FOLH1: variants seen among roughly 807,000 people sequenced by gnomAD.
FOLH1 encodes glutamate carboxypeptidase 2.
Under a neutral mutation model 93.9 loss-of-function variants are expected in FOLH1, and 54 were observed. The ratio of observed to expected loss-of-function variants is 0.57; its 90% CI spans 0.46 to 0.72. The LOEUF (loss-of-function observed/expected upper bound fraction) is 0.72, where lower values mean the gene tolerates loss of function less well. Among genes scored for constraint, FOLH1 ranks in the 30% least tolerant of loss-of-function variants. The probability of loss-of-function intolerance (pLI) is 0.00; values close to 1 mark genes in which losing one functional copy is unlikely to be tolerated. For synonymous variants in FOLH1, 249 were observed against 303.6 expected (o/e 0.82, Z 1.87); for missense variants, 571 against 892.5 (o/e 0.64, Z 4.59).
chr11:49,177,864 G>A (rs1389056814), intron 7 of FOLH1, among the ~76,000 whole-genome samples: 19 of 151,272 alleles, frequency 1.3e-4, no homozygotes, highest in Non-Finnish European at 2.7e-4. Flanking sequence ...TTGGGAGGCT[G>A]AGGCAGGAGA....
chr11:49,174,124 A>G (rs1378816850), intron 9 of FOLH1, among the ~76,000 whole-genome samples: 2 of 152,132 alleles, frequency 1.3e-5, no homozygotes, highest in African/African-American at 4.8e-5. Context: ...TCCAATGCTT[A>G]TCATGGAACT....
At chr11:49,206,512 G>T (rs1300118692) in intron 1 of FOLH1, among the ~76,000 whole-genome samples, 1 of 152,110 alleles carries the variant, frequency 6.6e-6, no homozygotes, top group Non-Finnish European at 1.5e-5. Context: ...TTCTGAAAAT[G>T]AAGGCAAAAA....
rs553946014 is a variant in FOLH1 at position 49,200,727 on chromosome 11, A to C, written c.225-286T>G. Reference sequence around the variant, plus strand: ...TGGTAGATTATCATATTCTTTCTTAAGACCTATACTTCTTGGAACTTACAT... The same window carrying C: ...TGGTAGATTATCATATTCTTTCTTACGACCTATACTTCTTGGAACTTACAT... On this transcript the variant is annotated intron_variant, in intron 2 of 18. Coordinates refer to ENST00000256999, the MANE Select transcript of FOLH1 (RefSeq NM_004476.3). Among the ~76,000 whole-genome samples, 2 of 152,308 alleles carry C rather than the reference A, an allele frequency of 1.3e-5. 1 individual carries two copies. The highest frequency in any genetic ancestry group is 4.1e-4 in the South Asian group (2 of 4,822).
At chr11:49,154,084 TG>T (rs1341994970) in intron 16 of FOLH1, 143 bp downstream of exon 16, 2 of 1,370,014 alleles carry the variant, frequency 1.5e-6, no homozygotes, top group East Asian at 4.8e-5. Flanking sequence ...ATCCATAAAA[TG>T]GAAAATACAT....
intron 12 of FOLH1, among the ~76,000 whole-genome samples, chr11:49,166,700 GAGAA>G (rs1395928572): frequency 6.6e-6 from 1 of 152,082 alleles, no homozygotes; most frequent in Non-Finnish European, 1.5e-5. Context: ...TGTATTATTT[GAGAA>G]AGAAACATTA....
intron 16 of FOLH1, 143 bp downstream of exon 16, chr11:49,154,085 G>A: frequency 7.3e-7 from 1 of 1,369,132 alleles, no homozygotes; most frequent in African/African-American, 1.5e-5. Flanking sequence ...TCCATAAAAT[G>A]GAAAATACAT....
intron 2 of FOLH1, among the ~76,000 whole-genome samples, chr11:49,202,931 C>T (rs543631664): frequency 1.3e-5 from 2 of 152,154 alleles, no homozygotes; most frequent in East Asian, 1.9e-4. Flanking sequence ...GATAATGTGA[C>T]GATACTTGGA....
In FOLH1 at chr11:49,185,727, T is replaced by C; in HGVS notation, c.768A>G (p.Gly256=). 1 of 1,613,652 alleles carries C rather than the reference T, an allele frequency of 6.2e-7. No homozygotes were observed. Among genetic ancestry groups the C allele is most frequent in the Non-Finnish European group, 8.5e-7 (1 of 1,179,780 alleles). ...WNLPGGGVQR[G]NILNLNGAGD... ...CTGCACCATTCAGATTTAGGATATT[T>C]CCACGCTGGACACCACCTCCAGGAA... Residue 256 remains glycine, a synonymous_variant, in exon 6 of 19, where the codon GGA becomes GGG. Coordinates refer to ENST00000256999, the MANE Select transcript of FOLH1 (RefSeq NM_004476.3).
chr11:49,200,655 A>G (rs535760851), intron 2 of FOLH1, among the ~76,000 whole-genome samples: 19 of 152,268 alleles, frequency 1.2e-4, no homozygotes, highest in South Asian at 4.1e-4. Flanking sequence ...AATCGGAGAA[A>G]CTGATTTTTG....
At chr11:49,200,884 T>G (rs1390522848) in intron 2 of FOLH1, among the ~76,000 whole-genome samples, 1 of 152,114 alleles carries the variant, frequency 6.6e-6, no homozygotes, top group African/African-American at 2.4e-5. Context: ...TATAGACAAG[T>G]GATAAACTTT....
chr11:49,195,675 G>GA (rs60767291), intron 3 of FOLH1, among the ~76,000 whole-genome samples: 124 of 150,184 alleles, frequency 8.3e-4, no homozygotes, highest in African/African-American at 2.9e-3. Flanking sequence ...AGAGCAATAA[G>GA]AAAAAAAAAT....
intron 10 of FOLH1, among the ~76,000 whole-genome samples, chr11:49,172,505 G>A (rs570614837): frequency 6.6e-6 from 1 of 152,006 alleles, no homozygotes; most frequent in South Asian, 2.1e-4. Context: ...TCTAAACCTT[G>A]GTTAACCTAT....
chr11:49,202,564 A>C (rs1049735994), intron 2 of FOLH1, among the ~76,000 whole-genome samples: 2 of 152,188 alleles, frequency 1.3e-5, no homozygotes, highest in African/African-American at 4.8e-5. Flanking sequence ...TATTTTGTAG[A>C]GACAGAGTCT....
chr11:49,191,483 A>G (rs890304865), intron 4 of FOLH1, among the ~76,000 whole-genome samples: 1 of 152,210 alleles, frequency 6.6e-6, no homozygotes, highest in African/African-American at 2.4e-5. Context: ...TTAGCCATTG[A>G]TCTGGAAGAT....
chr11:49,182,667 A>C (rs916243401), intron 7 of FOLH1, among the ~76,000 whole-genome samples: 1 of 152,226 alleles, frequency 6.6e-6, no homozygotes, highest in Middle Eastern at 3.2e-3. Flanking sequence ...CTAATATTGA[A>C]TAAAGGAAAA....
At position 49,173,237 on chromosome 11, in the gene FOLH1, G is replaced by A. The variant is rs1859582138; in HGVS notation, c.1225+120C>T. 4 of 1,069,656 alleles carry A rather than the reference G, an allele frequency of 3.7e-6. No individual in the cohort carries two copies. In the South Asian group the frequency reaches 1.1e-4, roughly 30 times the overall value. The allele number at this position is 1,069,656 out of a possible 1,614,324, so 66.3% of individuals were successfully genotyped here. On this transcript the variant is annotated intron_variant, in intron 10 of 18. Coordinates refer to ENST00000256999, the MANE Select transcript of FOLH1 (RefSeq NM_004476.3). The stretch of plus-strand genomic sequence containing the variant: ...AATTAACCAACCAACACTGAAAATT[G>A]TATTAGTATTTTTACCAAACACATG...
chr11:49,177,673 C>T (rs1472629842), intron 7 of FOLH1, among the ~76,000 whole-genome samples: 2 of 151,292 alleles, frequency 1.3e-5, no homozygotes, highest in East Asian at 3.9e-4. Flanking sequence ...TGGAGCCGGG[C>T]GCGGTGGCTC....
rs192424780 is a variant in FOLH1, at chr11:49,170,974, T to C, written c.1308+221A>G. On this transcript the variant is annotated intron_variant, in intron 11 of 18. Coordinates refer to ENST00000256999, the MANE Select transcript of FOLH1 (RefSeq NM_004476.3). ...AATAAAGATAAATTAATTTTGACAA[T>C]TGACATTAAGTGGCTCTAAAAGGTT... is the stretch of plus-strand genomic sequence containing the variant. Among the ~76,000 whole-genome samples the C allele has an allele frequency of 0.012, 1,860 of 152,298 alleles. 17 individuals carry two copies. Among genetic ancestry groups the C allele is most frequent in the Non-Finnish European group, 0.02 (1,394 of 68,018 alleles).
intron 4 of FOLH1, among the ~76,000 whole-genome samples, chr11:49,191,132 C>T (rs750383741): frequency 3.3e-5 from 5 of 152,126 alleles, no homozygotes; most frequent in Non-Finnish European, 7.3e-5. Context: ...CTGCCTCAGC[C>T]TCCGGAGTAG....
Sources: allele counts gnomAD v4.1 joint callset (sites outside exome capture counted in the v4.1 genomes callset), GRCh38; gene constraint gnomAD v4.1.1; transcripts MANE v1.5; gene names NCBI Gene and HGNC (gene_info 2026-07-23, HGNC 2026-07-21).